The following FAM3B variants were observed in gnomAD, a reference collection of about 807,000 sequenced individuals.
FAM3B encodes protein FAM3B.
In FAM3B, 29 loss-of-function variants were observed where a neutral mutation model predicts 28.4. The observed-to-expected ratio is 1.02, with a 90% CI of 0.76 to 1.39. The LOEUF (loss-of-function observed/expected upper bound fraction) is 1.39, where lower values mean the gene tolerates loss of function less well. FAM3B is among the 40% of genes most tolerant of loss of function. The pLI is 0.00. For synonymous variants in FAM3B, 91 were observed against 103.0 expected (o/e 0.88, Z 0.71); for missense variants, 266 against 293.9 (o/e 0.91, Z 0.69).
chr21:41,346,149 G>C (rs570966047), intron 5 of FAM3B: 3 of 162,202 alleles, frequency 1.8e-5, no homozygotes, highest in Non-Finnish European at 2.7e-5. Context: ...GCTGGGCTCA[G>C]GGCAAGCATT....
At chr21:41,340,811 A>G (rs1010955485) in intron 3 of FAM3B, among the ~76,000 whole-genome samples, 1 of 152,118 alleles carries the variant, frequency 6.6e-6, no homozygotes, top group Non-Finnish European at 1.5e-5. Context: ...TCTTCCCTGT[A>G]TTCTCCACCT....
chr21:41,319,966 C>T (rs1285855029), intron 1 of FAM3B: 1 of 152,016 alleles, frequency 6.6e-6, no homozygotes, highest in African/African-American at 2.4e-5. Flanking sequence ...TGACTGGTGT[C>T]CTTATAAGAA....
intron 2 of FAM3B, among the ~76,000 whole-genome samples, chr21:41,330,830 T>C (rs2088900198): frequency 6.6e-6 from 1 of 152,244 alleles, no homozygotes; most frequent in African/African-American, 2.4e-5. Flanking sequence ...ACATTTTCCT[T>C]ATTCATTCAT....
intron 1 of FAM3B, among the ~76,000 whole-genome samples, chr21:41,317,874 G>A (rs548795468): frequency 2.2e-4 from 34 of 152,138 alleles, no homozygotes; most frequent in African/African-American, 7.9e-4. Flanking sequence ...TTTTTGCCTC[G>A]TGTAAAATAT....
upstream of FAM3B, among the ~76,000 whole-genome samples, chr21:41,314,537 A>G (rs559211845): frequency 1.5e-3 from 224 of 152,344 alleles, 1 homozygote; most frequent in Non-Finnish European, 2.6e-3. Context: ...AGTTCTTGCT[A>G]TTGATGATGT....
intron 7 of FAM3B, among the ~76,000 whole-genome samples, chr21:41,356,762 T>C (rs1223402901): frequency 6.6e-6 from 1 of 152,194 alleles, no homozygotes; most frequent in Admixed American, 6.5e-5. Context: ...AGAGCAACTA[T>C]AGTTAAAAAT....
In FAM3B at chr21:41,326,638, G is replaced by C. The variant is rs2088856963; in HGVS notation, c.163+3572G>C. On this transcript the variant is annotated intron_variant, in intron 2 of 7. Coordinates refer to ENST00000357985, the MANE Select transcript of FAM3B (RefSeq NM_058186.4). The surrounding 1 kb of genome is among the most constrained non-coding windows in gnomAD (Gnocchi z 4.0). Reference sequence around the variant, plus strand: ...GGCGTGGGGACCTGCTCGTTCTGCTGCCGATCCCGTAGGGGAAGTCCCTGG... The same window carrying C: ...GGCGTGGGGACCTGCTCGTTCTGCTCCCGATCCCGTAGGGGAAGTCCCTGG... Among the ~76,000 whole-genome samples the C allele has an allele frequency of 6.6e-6, 1 of 152,244 alleles. No individual in the cohort carries two copies. Among genetic ancestry groups the C allele is most frequent in the African/African-American group, 2.4e-5 (1 of 41,480 alleles).
intron 1 of FAM3B, chr21:41,320,293 G>A (rs540446914): frequency 6.6e-6 from 1 of 152,146 alleles, no homozygotes; most frequent in Non-Finnish European, 1.5e-5. Context: ...AAAATTTTTT[G>A]TAGACATGAG....
intron 2 of FAM3B, among the ~76,000 whole-genome samples, chr21:41,330,611 C>A (rs1045892858): frequency 2.0e-5 from 3 of 152,164 alleles, no homozygotes; most frequent in African/African-American, 7.2e-5. Context: ...TGGTAAGTAC[C>A]ATTCTCCTCT....
At chr21:41,304,954 G>T (rs2088675124) in intron 1 of FAM3B, among the ~76,000 whole-genome samples, 1 of 152,120 alleles carries the variant, frequency 6.6e-6, no homozygotes, top group Non-Finnish European at 1.5e-5. Flanking sequence ...GAAGGAAGTG[G>T]GATCAAAACA....
chr21:41,347,146 C>G, intron 6 of FAM3B, 46 bp downstream of exon 6: 1 of 1,559,646 alleles, frequency 6.4e-7, no homozygotes, highest in Non-Finnish European at 8.8e-7. Context: ...GAGAAGCCAG[C>G]TGGGGCAGAG....
chr21:41,325,497 G>C (rs991991025), intron 2 of FAM3B, among the ~76,000 whole-genome samples: 1 of 152,174 alleles, frequency 6.6e-6, no homozygotes, highest in Admixed American at 6.5e-5. Context: ...GAGTTAAAAT[G>C]AGATCATAGT....
chr21:41,328,065 G>A (rs1168478253), intron 2 of FAM3B, among the ~76,000 whole-genome samples: 1 of 152,234 alleles, frequency 6.6e-6, no homozygotes, highest in Non-Finnish European at 1.5e-5. Flanking sequence ...ATAAGTTTCT[G>A]ACAGCAGGGC....
In FAM3B at chr21:41,338,584, G is replaced by A. The variant is rs1049499690; in HGVS notation, c.287+83G>A. 1.9e-6 allele frequency: 3 copies of A among 1,554,668 alleles called. No homozygotes were observed. In the African/African-American group the frequency reaches 4.1e-5, roughly 21 times the overall value. On this transcript the variant is annotated intron_variant, in intron 3 of 7. Transcript: ENST00000357985. ...CTGAGGCTGACCAAGCAGCAGTTCT[G>A]CCCACAGGAGAGAACCATATGTCGT...
At chr21:41,349,874 G>T (rs1648895136) in intron 7 of FAM3B, among the ~76,000 whole-genome samples, 1 of 152,210 alleles carries the variant, frequency 6.6e-6, no homozygotes, top group South Asian at 2.1e-4. Flanking sequence ...TTCCTCTAGA[G>T]CCAGGAAGCC....
chr21:41,304,486 G>A (rs1397586144), intron 1 of FAM3B, among the ~76,000 whole-genome samples: 1 of 152,318 alleles, frequency 6.6e-6, no homozygotes, highest in East Asian at 1.9e-4. Flanking sequence ...GCGTGCAGTC[G>A]CAGACAGCCC....
intron 1 of FAM3B, among the ~76,000 whole-genome samples, chr21:41,307,814 C>G (rs1168921050): frequency 6.6e-6 from 1 of 152,114 alleles, no homozygotes; most frequent in African/African-American, 2.4e-5. Flanking sequence ...ATAGTAACAT[C>G]AAAGATGTCT....
intron 2 of FAM3B, among the ~76,000 whole-genome samples, chr21:41,332,427 T>C (rs2088914369): frequency 6.6e-6 from 1 of 152,240 alleles, no homozygotes; most frequent in Admixed American, 6.5e-5. Flanking sequence ...CTAGTATTAA[T>C]ATTTTGTTGA....
At chr21:41,334,987 A>G (rs765087123) in intron 2 of FAM3B, among the ~76,000 whole-genome samples, 1 of 152,204 alleles carries the variant, frequency 6.6e-6, no homozygotes, top group Non-Finnish European at 1.5e-5. Context: ...TTAAGATTTG[A>G]TAACTGCCCT....
Sources: gnomAD v4.1 joint callset for allele counts (sites outside exome capture counted in the v4.1 genomes callset) on GRCh38, gnomAD v4.1.1 for gene constraint, Gnocchi (gnomAD v3.1) non-coding constraint, MANE v1.5 for transcripts, NCBI Gene and HGNC (gene_info 2026-07-23, HGNC 2026-07-21) for gene names.